The following TMOD2 variants were observed in gnomAD, a reference collection of about 807,000 sequenced individuals.
The protein encoded by TMOD2 is tropomodulin-2.
TMOD2 carries 22 observed loss-of-function variants against 39.9 expected under a neutral mutation model. The ratio of observed to expected loss-of-function variants is 0.55; its 90% confidence interval spans 0.39 to 0.79. The LOEUF is 0.79. Among genes scored for constraint, TMOD2 ranks in the 30% least tolerant of loss-of-function variants. The pLI, the probability that TMOD2 is intolerant of heterozygous loss-of-function variation, is 0.00. For missense variants in TMOD2, 386 were observed against 413.3 expected, an observed-to-expected ratio of 0.93 and a Z score of 0.57; for synonymous variants, 123 against 146.1, an observed-to-expected ratio of 0.84 and a Z score of 1.14.
At chr15:51,771,280 A>G (rs1212870747) in intron 3 of TMOD2, among the ~76,000 whole-genome samples, 1 of 152,196 alleles carries the variant, frequency 6.6e-6, no homozygotes, top group Non-Finnish European at 1.5e-5. Flanking sequence ...CCAGTGAACC[A>G]TCCAGGAGCA....
intron 8 of TMOD2, among the ~76,000 whole-genome samples, chr15:51,801,237 T>TCTCTCTCACA (rs1491214017): frequency 9.8e-6 from 1 of 102,106 alleles, no homozygotes; most frequent in African/African-American, 4.0e-5. Context: ...TCTCTCTCTC[T>TCTCTCTCACA]CACACACACA....
At chr15:51,804,585 T>TTTTGTTTTG (rs1567248954) in intron 8 of TMOD2, among the ~76,000 whole-genome samples, 6 of 139,644 alleles carry the variant, frequency 4.3e-5, no homozygotes, top group African/African-American at 1.5e-4. Flanking sequence ...GTTTTGTTTT[T>TTTTGTTTTG]TTTTTTGAGA....
At chr15:51,791,267 TA>T (rs1406998951) in intron 7 of TMOD2, among the ~76,000 whole-genome samples, 1 of 151,794 alleles carries the variant, frequency 6.6e-6, no homozygotes. Flanking sequence ...ACAAAGAGAA[TA>T]AAATACCTAG....
At position 51,813,616 on chromosome 15, in the gene TMOD2, A is replaced by G. The variant is rs2141651087; in HGVS notation, c.*5162A>G. On this transcript the variant is annotated 3_prime_UTR_variant, in exon 10 of 10. Coordinates refer to ENST00000249700, the MANE Select transcript of TMOD2 (RefSeq NM_014548.4). ...TCATTCAATTGCCTGCCAATTATAG[A>G]CTATATAGGGGGAAGAGCACTGGAT... 1 of 152,270 alleles carries G rather than the reference A, an allele frequency of 6.6e-6. No homozygotes were observed. Among genetic ancestry groups the G allele is most frequent in the Non-Finnish European group, 1.5e-5 (1 of 68,032 alleles). The allele number at this position is 152,270 out of a possible 1,614,324, so 9.4% of individuals were successfully genotyped here. A position where few individuals can be genotyped will look rare whatever the true frequency, so the allele number is the denominator to read the frequency against.
chr15:51,766,445 G>T lies in TMOD2; in HGVS notation c.4G>T (p.Ala2Ser), dbSNP rs1404432034. Residue 2 changes from alanine to serine, a missense_variant, in exon 2 of 10, where the codon GCA becomes TCA. Coordinates refer to ENST00000249700, the MANE Select transcript of TMOD2 (RefSeq NM_014548.4). The stretch of plus-strand genomic sequence containing the variant: ...TGAGAAAGGCTTATAAGAAGCCATG[G>T]CACTCCCCTTTCAAAAAGAGCTGGA... MALPFQKELEKY... is the reference protein window; with the variant it reads MSLPFQKELEKY... 1 of 1,613,886 alleles carries T rather than the reference G, an allele frequency of 6.2e-7. No individual in the cohort carries two copies. Among genetic ancestry groups the T allele is most frequent in the African/African-American group, 1.3e-5 (1 of 75,016 alleles).
At chr15:51,798,404 C>T in intron 8 of TMOD2, 64 bp downstream of exon 8, 2 of 1,560,290 alleles carry the variant, frequency 1.3e-6, no homozygotes, top group Non-Finnish European at 1.7e-6. Context: ...GGGGAAATGC[C>T]ACAAGGAATG....
At chr15:51,793,746 A>G (rs1432194747) in intron 7 of TMOD2, among the ~76,000 whole-genome samples, 1 of 152,240 alleles carries the variant, frequency 6.6e-6, no homozygotes, top group African/African-American at 2.4e-5. Flanking sequence ...AGTTTAAAAG[A>G]AATTGGCAAG....
intron 9 of TMOD2, among the ~76,000 whole-genome samples, chr15:51,807,325 T>C (rs1389193461): frequency 6.6e-6 from 1 of 152,112 alleles, no homozygotes; most frequent in Non-Finnish European, 1.5e-5. Flanking sequence ...ACTCAGATAG[T>C]GGGCAAGATA....
At chr15:51,801,515 A>G (rs756325896) in intron 8 of TMOD2, among the ~76,000 whole-genome samples, 19 of 152,186 alleles carry the variant, frequency 1.2e-4, no homozygotes, top group Non-Finnish European at 2.6e-4. Context: ...AGGCAGAACC[A>G]GAAGCCAAGA....
intron 1 of TMOD2, among the ~76,000 whole-genome samples, chr15:51,758,952 G>T (rs1343604591): frequency 6.6e-6 from 1 of 152,238 alleles, no homozygotes; most frequent in Admixed American, 6.5e-5. Flanking sequence ...TGACGAAGAT[G>T]ACAGAAGACA....
chr15:51,806,243 G>A (rs951975618), intron 8 of TMOD2, 134 bp from the exon 9 acceptor site: 31 of 928,132 alleles, frequency 3.3e-5, no homozygotes, highest in Non-Finnish European at 4.5e-5. Context: ...CTCAAGTGAC[G>A]CTGTCCCTTT....
chr15:51,797,984 A>T (rs1479795092), intron 7 of TMOD2, among the ~76,000 whole-genome samples: 1 of 151,662 alleles, frequency 6.6e-6, no homozygotes, highest in Non-Finnish European at 1.5e-5. Flanking sequence ...TTTTGCAAGT[A>T]TGTGAAATTT....
In TMOD2 at chr15:51,809,686, G is replaced by C. The variant is rs554615865; in HGVS notation, c.*1232G>C. 2 of 152,286 alleles carry C rather than the reference G, an allele frequency of 1.3e-5. No homozygotes were observed. Among genetic ancestry groups the C allele is most frequent in the South Asian group, 4.1e-4 (2 of 4,822 alleles). The allele number at this position is 152,286 out of a possible 1,614,324, so 9.4% of individuals were successfully genotyped here. On this transcript the variant is annotated 3_prime_UTR_variant, in exon 10 of 10. Coordinates refer to ENST00000249700, the MANE Select transcript of TMOD2 (RefSeq NM_014548.4). ...CTGTCAGTGCCTGAGGTTGTGATTG[G>C]TGACATTCTGACACTGCCCAAGGCA...
chr15:51,800,306 G>C (rs765656916), intron 8 of TMOD2, among the ~76,000 whole-genome samples: 1 of 152,126 alleles, frequency 6.6e-6, no homozygotes, highest in Non-Finnish European at 1.5e-5. Flanking sequence ...AGGCCGAGGC[G>C]AGCAGATCAC....
chr15:51,774,964 GA>G (rs1027230397), intron 4 of TMOD2, among the ~76,000 whole-genome samples: 25 of 152,126 alleles, frequency 1.6e-4, no homozygotes, highest in Admixed American at 1.5e-3. Flanking sequence ...AATCCAAATA[GA>G]AAACTGTCCT....
chr15:51,753,079 ATG>A (rs1478601562), intron 1 of TMOD2, among the ~76,000 whole-genome samples: 1 of 152,148 alleles, frequency 6.6e-6, no homozygotes, highest in Non-Finnish European at 1.5e-5. Flanking sequence ...AGTAACCAGA[ATG>A]TGTATACACA....
chr15:51,792,567 A>T (rs961779150), intron 7 of TMOD2, among the ~76,000 whole-genome samples: 1 of 152,200 alleles, frequency 6.6e-6, no homozygotes. Flanking sequence ...ATGCACACAT[A>T]TGTTTATCGC....
chr15:51,781,558 G>T (rs965127669), intron 6 of TMOD2, among the ~76,000 whole-genome samples: 1 of 152,156 alleles, frequency 6.6e-6, no homozygotes, highest in African/African-American at 2.4e-5. Context: ...TGTCATCCAG[G>T]GCTGCAGTAC....
chr15:51,773,663 CCAATAAGGCAGTAGTACT>C lies in TMOD2; in HGVS notation c.284-43_284-26del, dbSNP rs769415125. 8.4e-6 allele frequency: 13 copies of C among 1,550,110 alleles called. No homozygotes were observed. In the African/African-American group the frequency reaches 9.7e-5, roughly 12 times the overall value. ...TTCTCTGCTCAGTCTACTTACCCTA[CCAATAAGGCAGTAGTACT>C]CAATATTTTTGTTTTTCTTCTGATT... On this transcript the variant is annotated intron_variant, in intron 3 of 9. Transcript: ENST00000249700.
Sources: gnomAD v4.1 joint callset for allele counts (sites outside exome capture counted in the v4.1 genomes callset) on GRCh38, gnomAD v4.1.1 for gene constraint, MANE v1.5 for transcripts, NCBI Gene and HGNC (gene_info 2026-07-23, HGNC 2026-07-21) for gene names.